The following IFNA4 variants were observed in gnomAD, a reference collection of about 807,000 sequenced individuals.
The protein encoded by IFNA4 is interferon alpha 4.
For missense variants in IFNA4, 225 were observed against 214.9 expected (o/e 1.05, Z -0.29); for synonymous variants, 84 against 86.0 (o/e 0.98, Z 0.13).
At chr9:21,187,195 A>T (rs774960216) in exon 1 of IFNA4, 11 of 1,612,958 alleles carry the variant, frequency 6.8e-6, no homozygotes, top group Non-Finnish European at 9.3e-6. Context: ...AGTTGCTGGT[A>T]AAGTTCAGTG....
exon 1 of IFNA4, chr9:21,187,349 G>A: frequency 6.2e-7 from 1 of 1,614,162 alleles, no homozygotes; most frequent in Non-Finnish European, 8.5e-7. Context: ...CCTCCTCGGG[G>A]AATCCGAAAT....
In IFNA4 at chr9:21,187,005, G is replaced by A. The variant is rs539790643; in HGVS notation, c.527C>T (p.Ser176Leu). Reference sequence around the variant, plus strand: ...TCTTTTTTGCAAGTTTGTTGAAAACGAGAGGGATCTCATGATTTCTGCTCT... The same window carrying A: ...TCTTTTTTGCAAGTTTGTTGAAAACAAGAGGGATCTCATGATTTCTGCTCT... Residue 176 changes from serine (S) to leucine (L), a missense_variant, in exon 1 of 1, where the codon TCG becomes TTG. Coordinates refer to ENST00000421715, the Ensembl canonical transcript of IFNA4. The A allele has an allele frequency of 7.4e-5, 120 of 1,614,076 alleles. No individual in the cohort carries two copies. In the South Asian group the frequency reaches 1.1e-3, roughly 15 times the overall value.
exon 1 of IFNA4, chr9:21,186,826 C>T (rs1817909440): frequency 4.2e-6 from 6 of 1,437,918 alleles, no homozygotes; most frequent in African/African-American, 2.9e-5. Flanking sequence ...CAAGCTTCTT[C>T]ACACTGCTGA....
exon 1 of IFNA4, chr9:21,186,818 A>C (rs1563804440): frequency 2.2e-6 from 3 of 1,360,114 alleles, no homozygotes; most frequent in Non-Finnish European, 3.0e-6. Context: ...GTATACACCA[A>C]GCTTCTTCAC....
exon 1 of IFNA4, chr9:21,187,003 A>G: frequency 6.2e-7 from 1 of 1,614,064 alleles, no homozygotes; most frequent in Non-Finnish European, 8.5e-7. Flanking sequence ...TTTGTTGAAA[A>G]CGAGAGGGAT....
chr9:21,187,253 T>A (rs1414401663), exon 1 of IFNA4: 11 of 1,609,904 alleles, frequency 6.8e-6, no homozygotes, highest in Non-Finnish European at 8.5e-6. Flanking sequence ...ATGAGTCCTC[T>A]GTGCTGAAGA....
chr9:21,187,582 T>A, exon 1 of IFNA4: 2 of 1,547,460 alleles, frequency 1.3e-6, no homozygotes, highest in Admixed American at 2.0e-5. Flanking sequence ...ACCTTGAACT[T>A]CGGCCTCTAG....
At chr9:21,187,139 C>G (rs750823352) in exon 1 of IFNA4, 41 of 1,614,008 alleles carry the variant, frequency 2.5e-5, no homozygotes, top group Non-Finnish European at 3.3e-5. Context: ...TCAGGGGAGT[C>G]TCTTCCACCC....
At chr9:21,187,010 G>T (rs774648984) in exon 1 of IFNA4, 4 of 1,613,962 alleles carry the variant, frequency 2.5e-6, no homozygotes, top group South Asian at 1.1e-5. Context: ...AAAACGAGAG[G>T]GATCTCATGA....
At position 21,186,982 on chromosome 9, in the gene IFNA4, T is replaced by C. The variant is rs751948294; in HGVS notation, c.550A>G (p.Arg184Gly). 8.7e-6 allele frequency: 14 copies of C among 1,614,112 alleles called. No individual in the cohort carries two copies. In the South Asian group the frequency reaches 1.4e-4, roughly 16 times the overall value. ...AGGTTTCAATCCTTCCTCCTTAATC[T>C]TTTTTGCAAGTTTGTTGAAAACGAG... is the stretch of plus-strand genomic sequence containing the variant. Residue 184 changes from arginine to glycine, a missense_variant, in exon 1 of 1, where the codon AGA becomes GGA. By Grantham distance (125) the Arg-to-Gly change is moderately radical. Transcript: ENST00000421715.
rs542939148 is a variant in IFNA4 at position 21,187,444 on chromosome 9, G to A, written c.88C>T (p.His30Tyr). The A allele has an allele frequency of 2.5e-6, 4 of 1,614,178 alleles. No homozygotes were observed. The African/African-American group carries it at 5.3e-5, about 22-fold the overall frequency. ...AAGGCCCTCCTATTACCCAGGCTGT[G>A]GGTCTGAGGCAGATCACAGCCCAGA... The change falls in exon 1 of 1, where the codon CAC becomes TAC. Residue 30 changes from histidine to tyrosine, a missense_variant. By Grantham distance (83) the His-to-Tyr change is moderately conservative (BLOSUM62 2). Transcript: ENST00000421715.
At chr9:21,186,876 G>A in exon 1 of IFNA4, 1 of 1,581,430 alleles carries the variant, frequency 6.3e-7, no homozygotes, top group Non-Finnish European at 8.6e-7. Context: ...GGTGGTTATA[G>A]AAGTGAGTCT....
chr9:21,186,904 A>G (rs1219442314), exon 1 of IFNA4: 1 of 1,599,602 alleles, frequency 6.3e-7, no homozygotes, highest in Non-Finnish European at 8.5e-7. Flanking sequence ...GGAAGAACTC[A>G]TGAAAGTGTG....
chr9:21,187,525 G>A, exon 1 of IFNA4: 2 of 1,600,924 alleles, frequency 1.2e-6, no homozygotes, highest in South Asian at 1.1e-5. Context: ...GAAAAGGACA[G>A]GGCCATTGGG....
chr9:21,187,185 A>C (rs1817918068), exon 1 of IFNA4: 1 of 1,613,152 alleles, frequency 6.2e-7, no homozygotes, highest in Admixed American at 1.7e-5. Flanking sequence ...CAGGTCATTC[A>C]GTTGCTGGTA....
At chr9:21,187,350 A>T (rs1587898816) in exon 1 of IFNA4, 2 of 1,614,138 alleles carry the variant, frequency 1.2e-6, no homozygotes, top group South Asian at 2.2e-5. Flanking sequence ...CTCCTCGGGG[A>T]ATCCGAAATC....
chr9:21,187,441 T>G (rs772187934), exon 1 of IFNA4: 1 of 1,614,186 alleles, frequency 6.2e-7, no homozygotes, highest in Admixed American at 1.7e-5. Flanking sequence ...TTACCCAGGC[T>G]GTGGGTCTGA....
rs201964250 is a variant in IFNA4, at chr9:21,187,386, T to G, written c.146A>C (p.His49Pro). The G allele has an allele frequency of 4.3e-4, 698 of 1,613,542 alleles. 3 individuals are homozygous for G. The East Asian group carries it at 7.2e-3, about 17-fold the overall frequency. The change falls in exon 1 of 1, where the codon CAT becomes CCT. Residue 49 changes from histidine to proline, a missense_variant. Physicochemically the swap from His to Pro is moderately conservative, Grantham distance 77. Coordinates refer to ENST00000421715, the Ensembl canonical transcript of IFNA4. ...ATGTCTGTCCTTCAGGCAGGAGAAA[T>G]GAGAGATTCTTCCCATTTGTGCCAG...
chr9:21,186,798 G>A, exon 1 of IFNA4: 2 of 1,002,610 alleles, frequency 2.0e-6, no homozygotes, highest in Admixed American at 2.6e-5. Context: ...AAGGACTAGT[G>A]CCTGCACAGG....
Sources: gnomAD v4.1 joint callset for allele counts on GRCh38, gnomAD v4.1.1 for gene constraint, MANE v1.5 for transcripts, NCBI Gene and HGNC (gene_info 2026-07-23, HGNC 2026-07-21) for gene names.